The following RYR3 variants were observed in gnomAD, a reference collection of about 807,000 sequenced individuals.
RYR3 encodes the protein brain ryanodine receptor-calcium release channel.
RYR3 carries 207 observed loss-of-function variants against 584.3 expected under a neutral mutation model. The observed-to-expected ratio is 0.35, with a 90% CI of 0.32 to 0.40. The LOEUF (loss-of-function observed/expected upper bound fraction) is 0.40, where lower values mean the gene tolerates loss of function less well. Ranked by LOEUF, RYR3 falls within the 10% of genes least tolerant of loss-of-function variation. The probability of loss-of-function intolerance (pLI) is 1.00; values close to 1 mark genes in which losing one functional copy is unlikely to be tolerated. For synonymous variants in RYR3, 2,416 were observed against 2,248.5 expected, an observed-to-expected ratio of 1.07 and a Z score of -2.11; for missense variants, 5,616 against 6,089.2, an observed-to-expected ratio of 0.92 and a Z score of 2.59.
Position 33,613,193 on chromosome 15 carries a change from C to T in RYR3, c.2175C>T (p.Pro725=), listed in dbSNP as rs973544069. The change falls in exon 19 of 104, where the codon CCC becomes CCT. Residue 725 remains proline (P), a synonymous_variant. Transcript: ENST00000634891. ...DGLHLWSGRI[P]RAVASINQHL... ...TTCTTTCCTCACCAGGCCGGATACC[C>T]AGAGCTGTGGCTTCCATCAACCAGC... 1.9e-6 allele frequency: 3 copies of T among 1,613,346 alleles called. No individual in the cohort carries two copies. Among genetic ancestry groups the T allele is most frequent in the African/African-American group, 2.7e-5 (2 of 74,900 alleles).
intron 20 of RYR3, 147 bp from the exon 21 acceptor site, chr15:33,628,324 G>A (rs1474413696): frequency 3.3e-6 from 2 of 598,804 alleles, no homozygotes; most frequent in African/African-American, 1.9e-5. Context: ...GAGGAGGGCT[G>A]GGGAGCATGT....
Position 33,512,035 on chromosome 15 carries a change from T to C in RYR3, c.279+8297T>C, listed in dbSNP as rs189050715. 5.4e-3 allele frequency among the ~76,000 whole-genome samples: 816 copies of C among 152,134 alleles called. 6 individuals carry two copies. Among genetic ancestry groups the C allele is most frequent in the African/African-American group, 0.018 (758 of 41,550 alleles). ...CCTCATGATCCGCCCGCCTCGGCCT[T>C]CCAAAGTGCTGGGATTACAGGCGTG... is the stretch of plus-strand genomic sequence containing the variant. On this transcript the variant is annotated intron_variant, in intron 3 of 103. Coordinates refer to ENST00000634891, the MANE Select transcript of RYR3 (RefSeq NM_001036.6).
chr15:33,853,669 T>C lies in RYR3; in HGVS notation c.13786T>C (p.Ser4596Pro). 1 of 1,613,718 alleles carries C rather than the reference T, an allele frequency of 6.2e-7. No individual in the cohort carries two copies. Among genetic ancestry groups the C allele is most frequent in the Non-Finnish European group, 8.5e-7 (1 of 1,179,774 alleles). The change falls in exon 96 of 104, where the codon TCT (serine) becomes CCT (proline). Residue 4596 changes from serine to proline, a missense_variant. This residue lies in a region of RYR3 where 918 missense variants were observed against 887.4 expected (regional missense o/e 1.03). Transcript: ENST00000634891. ...PVEETKAEAA[S>P]LVSWLSSIDM... is the part of the protein sequence containing the mutation. ...AGAAGAGACCAAAGCAGAAGCGGCT[T>C]CTCTGGTGTCATGGTACAAAAAGCT... is the stretch of plus-strand genomic sequence containing the variant.
intron 2 of RYR3, among the ~76,000 whole-genome samples, chr15:33,492,408 G>A (rs560043308): frequency 1.3e-5 from 2 of 151,520 alleles, no homozygotes; most frequent in African/African-American, 4.9e-5. Flanking sequence ...ATGTACTGCT[G>A]CTAATTATTT....
chr15:33,558,613 G>T (rs982054280), intron 10 of RYR3, among the ~76,000 whole-genome samples: 26 of 152,188 alleles, frequency 1.7e-4, no homozygotes, highest in African/African-American at 5.3e-4. Flanking sequence ...TATTGTGGAA[G>T]ACAGTGTGGC....
chr15:33,864,059 A>G (rs937645021), intron 102 of RYR3, 79 bp from the exon 103 acceptor site: 1 of 1,069,174 alleles, frequency 9.4e-7, no homozygotes, highest in African/African-American at 1.6e-5. Flanking sequence ...AGCCTTTCTG[A>G]GCCCTGATCA....
chr15:33,511,782 A>G (rs935174669), intron 3 of RYR3, among the ~76,000 whole-genome samples: 2 of 151,952 alleles, frequency 1.3e-5, no homozygotes, highest in Admixed American at 6.6e-5. Flanking sequence ...TTTCTTTTTA[A>G]TTTTTTATTT....
chr15:33,675,883 C>T (rs1032015070), intron 38 of RYR3, among the ~76,000 whole-genome samples: 2 of 152,032 alleles, frequency 1.3e-5, no homozygotes, highest in African/African-American at 4.8e-5. Flanking sequence ...AGCAGGGAGA[C>T]ATTGGGAACA....
intron 37 of RYR3, among the ~76,000 whole-genome samples, chr15:33,669,675 C>G (rs1213459276): frequency 6.6e-6 from 1 of 152,114 alleles, no homozygotes; most frequent in Non-Finnish European, 1.5e-5. Context: ...CCTAAAAGAG[C>G]CTGTGCTGAG....
intron 2 of RYR3, 88 bp from the exon 3 acceptor site, chr15:33,503,543 C>A: frequency 1.3e-6 from 1 of 763,210 alleles, no homozygotes; most frequent in South Asian, 1.7e-5. Flanking sequence ...CATTTTGATT[C>A]ATAGGCTCTT....
chr15:33,739,990 C>A lies in RYR3; in HGVS notation c.7815C>A (p.Thr2605=), dbSNP rs2069914470. Reference sequence around the variant, plus strand: ...ACTTTGACCCAAAACCTATTAACACCATGAAGTGAGTCCAGAATCATCTCT... The same window carrying A: ...ACTTTGACCCAAAACCTATTAACACAATGAAGTGAGTCCAGAATCATCTCT... The part of the protein sequence containing the change: ...DGNFDPKPIN[T]MNFSLPEKLE... Residue 2605 remains threonine, a synonymous_variant, in exon 51 of 104, where the codon ACC becomes ACA. Transcript: ENST00000634891. The A allele has an allele frequency of 6.2e-7, 1 of 1,613,626 alleles. No individual in the cohort carries two copies. Among genetic ancestry groups the A allele is most frequent in the East Asian group, 2.2e-5 (1 of 44,872 alleles).
At chr15:33,669,228 C>CAAA (rs10630004) in intron 36 of RYR3, 126 bp from the exon 37 acceptor site, 23 of 514,902 alleles carry the variant, frequency 4.5e-5, no homozygotes, top group African/African-American at 1.5e-4. Context: ...CCACTTTTAC[C>CAAA]AAAAAAAAAA....
chr15:33,792,879 T>C (rs369972749), intron 67 of RYR3, among the ~76,000 whole-genome samples: 3 of 152,272 alleles, frequency 2.0e-5, no homozygotes, highest in African/African-American at 7.2e-5. Context: ...CCAACACCAA[T>C]TGGGTATCCA....
intron 32 of RYR3, among the ~76,000 whole-genome samples, chr15:33,656,150 A>G (rs1247233927): frequency 5.3e-5 from 8 of 152,228 alleles, no homozygotes; most frequent in Non-Finnish European, 1.0e-4. Context: ...TTAGCTTTCA[A>G]TTCAGGCCCA....
At chr15:33,773,378 A>G (rs1191393638) in intron 63 of RYR3, among the ~76,000 whole-genome samples, 156 bp from the exon 64 acceptor site, 1 of 152,158 alleles carries the variant, frequency 6.6e-6, no homozygotes, top group Non-Finnish European at 1.5e-5. Flanking sequence ...CAATTAGCAA[A>G]CTGGCATCTG....
chr15:33,861,968 T>C (rs1888408611), intron 102 of RYR3, among the ~76,000 whole-genome samples: 3 of 152,122 alleles, frequency 2.0e-5, no homozygotes, highest in Admixed American at 6.5e-5. Context: ...TGGCACCCAG[T>C]AGGCAACTAA....
intron 1 of RYR3, among the ~76,000 whole-genome samples, chr15:33,333,559 G>A (rs1454915490): frequency 6.6e-6 from 1 of 152,054 alleles, no homozygotes; most frequent in East Asian, 1.9e-4. Context: ...AATAATAAGA[G>A]CCACATATGA....
At chr15:33,609,830 G>A (rs1469705818) in intron 18 of RYR3, among the ~76,000 whole-genome samples, 2 of 152,046 alleles carry the variant, frequency 1.3e-5, no homozygotes, top group Non-Finnish European at 2.9e-5. Flanking sequence ...AAAGATCCTG[G>A]GACCTTGGGT....
intron 103 of RYR3, 59 bp downstream of exon 103, chr15:33,864,248 T>C: frequency 3.8e-6 from 5 of 1,304,372 alleles, no homozygotes; most frequent in South Asian, 1.3e-5. Flanking sequence ...TCTTGAGACT[T>C]AGTAGGGCAT....
Sources: gnomAD v4.1 joint callset for allele counts (sites outside exome capture counted in the v4.1 genomes callset) on GRCh38, gnomAD v4.1.1 for gene constraint, gnomAD v4.1.1 regional missense constraint, MANE v1.5 for transcripts, NCBI Gene and HGNC (gene_info 2026-07-23, HGNC 2026-07-21) for gene names.